COL21A1: variants seen among roughly 807,000 people sequenced by gnomAD.
COL21A1 encodes collagen type XXI alpha 1 chain.
A neutral mutation model predicts 137.9 loss-of-function variants in COL21A1; 149 were observed. The ratio of observed to expected loss-of-function variants is 1.08; its 90% CI spans 0.95 to 1.24. The LOEUF is 1.24. Among genes scored for constraint, COL21A1 ranks in the 50% most tolerant of loss-of-function variants. The pLI, the probability that COL21A1 is intolerant of heterozygous loss-of-function variation, is 0.00. For synonymous variants in COL21A1, 456 were observed against 391.5 expected (o/e 1.16, Z -1.95); for missense variants, 1,167 against 1,158.4 (o/e 1.01, Z -0.11).
At chr6:56,291,631 A>G (rs974512412) in intron 1 of COL21A1, among the ~76,000 whole-genome samples, 1 of 152,214 alleles carries the variant, frequency 6.6e-6, no homozygotes, top group Non-Finnish European at 1.5e-5. Flanking sequence ...TTGAGAGGCA[A>G]TAGCTGTAAC....
intron 17 of COL21A1, among the ~76,000 whole-genome samples, chr6:56,096,967 A>G (rs1274209994): frequency 6.6e-6 from 1 of 152,120 alleles, no homozygotes; most frequent in Non-Finnish European, 1.5e-5. Context: ...CACAAATGAT[A>G]AGAATCCATT....
intron 1 of COL21A1, among the ~76,000 whole-genome samples, chr6:56,332,636 G>T (rs1259157222): frequency 6.7e-6 from 1 of 149,050 alleles, no homozygotes; most frequent in Admixed American, 6.7e-5. Flanking sequence ...AGCAGAGTAG[G>T]GTCGGAGACT....
At chr6:56,164,757 T>G in intron 8 of COL21A1, 57 bp downstream of exon 8, 1 of 1,406,844 alleles carries the variant, frequency 7.1e-7, no homozygotes, top group Non-Finnish European at 9.7e-7. Context: ...GGAAAAGAGC[T>G]AAGTGGTCCC....
chr6:56,239,836 T>C (rs1306121095), intron 1 of COL21A1, among the ~76,000 whole-genome samples: 1 of 152,146 alleles, frequency 6.6e-6, no homozygotes, highest in Non-Finnish European at 1.5e-5. Context: ...GATTAGGCCA[T>C]AAGGGCTCCT....
chr6:56,152,594 TAGTC>T (rs1325049742), intron 10 of COL21A1, among the ~76,000 whole-genome samples: 10 of 152,244 alleles, frequency 6.6e-5, no homozygotes, highest in East Asian at 1.9e-4. Flanking sequence ...TATTATAACT[TAGTC>T]AGAGTCATAG....
chr6:56,306,947 A>G (rs4623246), intron 1 of COL21A1, among the ~76,000 whole-genome samples: 128,410 of 152,206 alleles, frequency 0.84, 56,149 homozygotes, highest in South Asian at 0.97. Flanking sequence ...TAACAGTCAG[A>G]ACCCTTAGCT....
At chr6:56,365,596 T>C (rs1766079846) in intron 1 of COL21A1, among the ~76,000 whole-genome samples, 1 of 152,186 alleles carries the variant, frequency 6.6e-6, no homozygotes, top group Admixed American at 6.5e-5. Flanking sequence ...TCAGTGTTTA[T>C]AATTTTCTAA....
At chr6:56,233,425 A>G (rs1030458955) in intron 1 of COL21A1, among the ~76,000 whole-genome samples, 3 of 151,908 alleles carry the variant, frequency 2.0e-5, no homozygotes, top group Non-Finnish European at 4.4e-5. Flanking sequence ...TGATATATTC[A>G]AATATATATG....
rs139428396 is a variant in COL21A1 at position 56,129,346 on chromosome 6, C to T, written c.1543-3197G>A. 3.6e-3 allele frequency among the ~76,000 whole-genome samples: 547 copies of T among 152,124 alleles called. 6 individuals carry two copies. The highest frequency in any genetic ancestry group is 0.013 in the African/African-American group (520 of 41,476). On this transcript the variant is annotated intron_variant, in intron 12 of 29. Transcript: ENST00000244728. Reference sequence around the variant, plus strand: ...CCAGTATCCTAGAATGCAGATAATACAGTAACTGGTGATATAACCTTGACT... The same window carrying T: ...CCAGTATCCTAGAATGCAGATAATATAGTAACTGGTGATATAACCTTGACT...
At chr6:56,316,476 A>ATTTTTTTT (rs776151498) in intron 1 of COL21A1, among the ~76,000 whole-genome samples, 30 of 30,320 alleles carry the variant, frequency 9.9e-4, no homozygotes, top group East Asian at 3.1e-3. Context: ...TTCTAAATAG[A>ATTTTTTTT]CTTTTTTTTT....
At chr6:56,171,380 A>C (rs1017295962) in intron 3 of COL21A1, among the ~76,000 whole-genome samples, 8 of 151,934 alleles carry the variant, frequency 5.3e-5, no homozygotes, top group African/African-American at 1.9e-4. Context: ...AAGTAAAACA[A>C]AAATATAAAT....
chr6:56,260,888 G>GTT (rs1343173653), intron 1 of COL21A1, among the ~76,000 whole-genome samples: 40 of 143,996 alleles, frequency 2.8e-4, no homozygotes, highest in Non-Finnish European at 3.5e-4. Context: ...ATGTGTGTGT[G>GTT]TGTGTACCTT....
chr6:56,100,953 G>T (rs936065596), intron 17 of COL21A1, among the ~76,000 whole-genome samples: 4 of 152,150 alleles, frequency 2.6e-5, no homozygotes, highest in Non-Finnish European at 5.9e-5. Flanking sequence ...AAGATCTGCT[G>T]GTATTTAAAT....
At chr6:56,149,163 T>G (rs1775084155) in intron 10 of COL21A1, among the ~76,000 whole-genome samples, 2 of 152,204 alleles carry the variant, frequency 1.3e-5, no homozygotes, top group Admixed American at 1.3e-4. Context: ...TCTCCAAATC[T>G]TTTTGGATCT....
chr6:56,118,222 A>G (rs555180786), intron 16 of COL21A1, among the ~76,000 whole-genome samples: 171 of 152,096 alleles, frequency 1.1e-3, no homozygotes, highest in Non-Finnish European at 2.3e-3. Flanking sequence ...TACCCAAATA[A>G]AATACAGTCA....
At chr6:56,097,854 T>A (rs376672657) in intron 17 of COL21A1, among the ~76,000 whole-genome samples, 1,085 of 87,046 alleles carry the variant, frequency 0.012, 193 homozygotes, top group African/African-American at 0.052. Context: ...TAAATATATA[T>A]AAATATATAA....
intron 1 of COL21A1, among the ~76,000 whole-genome samples, chr6:56,316,476 A>ATTTTT (rs776151498): frequency 1.3e-4 from 4 of 30,358 alleles, no homozygotes; most frequent in African/African-American, 1.6e-4. Flanking sequence ...TTCTAAATAG[A>ATTTTT]CTTTTTTTTT....
intron 3 of COL21A1, among the ~76,000 whole-genome samples, chr6:56,172,896 T>C (rs1427159263): frequency 1.3e-5 from 2 of 150,292 alleles, no homozygotes; most frequent in African/African-American, 2.5e-5. Flanking sequence ...TCAAAGAAAA[T>C]ACCTACGGAA....
At chr6:56,078,225 A>G (rs887955873) in intron 17 of COL21A1, 1 of 455,602 alleles carries the variant, frequency 2.2e-6, no homozygotes. Context: ...TGTTAATTCT[A>G]TCAAGTTAAG....
Sources: gnomAD v4.1 joint callset for allele counts (sites outside exome capture counted in the v4.1 genomes callset) on GRCh38, gnomAD v4.1.1 for gene constraint, MANE v1.5 for transcripts, NCBI Gene and HGNC (gene_info 2026-07-23, HGNC 2026-07-21) for gene names.